CCDC60: variants seen among roughly 807,000 people sequenced by gnomAD.
CCDC60 encodes the protein coiled-coil domain containing 60.
A neutral mutation model predicts 63.5 loss-of-function variants in CCDC60; 54 were observed. That is an observed-to-expected ratio of 0.85 (90% CI 0.68 to 1.07). CCDC60 has a LOEUF of 1.07. CCDC60 is among the 50% of genes least tolerant of loss of function. CCDC60 has a pLI of 0.00. For missense variants in CCDC60, 651 were observed against 684.3 expected (o/e 0.95, Z 0.54); for synonymous variants, 206 against 238.8 (o/e 0.86, Z 1.27).
At chr12:119,517,152 T>A (rs531468785) in intron 8 of CCDC60, among the ~76,000 whole-genome samples, 91 of 151,828 alleles carry the variant, frequency 6.0e-4, no homozygotes, top group Non-Finnish European at 1.3e-4. Context: ...CACATCTGGC[T>A]AATTTTTTTT....
intron 4 of CCDC60, among the ~76,000 whole-genome samples, chr12:119,488,461 T>G (rs1951508860): frequency 6.6e-6 from 1 of 152,188 alleles, no homozygotes; most frequent in African/African-American, 2.4e-5. Flanking sequence ...TCTCAGTAAC[T>G]GGCATTGGAT....
Position 119,420,111 on chromosome 12 carries a change from C to T in CCDC60, c.91-8572C>T, listed in dbSNP as rs867585546. Among the ~76,000 whole-genome samples the T allele has an allele frequency of 7.2e-5, 11 of 152,048 alleles. No homozygotes were observed. Among genetic ancestry groups the T allele is most frequent in the Middle Eastern group, 3.4e-3 (1 of 294 alleles). The stretch of plus-strand genomic sequence containing the variant: ...CGGGATGGTCTCGAACTCCTGACCT[C>T]GTGATCCACCCGCCTCGGCCTCCCA... On this transcript the variant is annotated intron_variant, in intron 1 of 13. Transcript: ENST00000327554. The surrounding 1 kb of genome is among the most constrained non-coding windows in gnomAD (Gnocchi z 4.1).
chr12:119,386,994 ACTCTCT>A (rs141844953), intron 1 of CCDC60, among the ~76,000 whole-genome samples: 1 of 75,926 alleles, frequency 1.3e-5, no homozygotes, highest in Admixed American at 1.4e-4. Flanking sequence ...TTCCCCCTCA[ACTCTCT>A]CTCTCTCTCT....
chr12:119,341,572 C>G (rs772299400), intron 1 of CCDC60, among the ~76,000 whole-genome samples: 8 of 152,174 alleles, frequency 5.3e-5, no homozygotes, highest in Non-Finnish European at 8.8e-5. Context: ...ATGTGAAATA[C>G]TGAGCACGAT....
intron 1 of CCDC60, among the ~76,000 whole-genome samples, chr12:119,395,233 T>A (rs1956230908): frequency 6.6e-6 from 1 of 152,210 alleles, no homozygotes. Flanking sequence ...TGGAAGCCAC[T>A]GAAGGGTCTT....
At chr12:119,496,741 C>A (rs1211947763) in intron 5 of CCDC60, among the ~76,000 whole-genome samples, 2 of 152,114 alleles carry the variant, frequency 1.3e-5, no homozygotes, top group East Asian at 1.9e-4. Flanking sequence ...TTACTTACAC[C>A]AAGTCACACA....
intron 1 of CCDC60, among the ~76,000 whole-genome samples, chr12:119,341,853 C>G (rs1443841067): frequency 1.3e-5 from 2 of 152,162 alleles, no homozygotes; most frequent in African/African-American, 4.8e-5. Flanking sequence ...ATGAGAGATG[C>G]AATGTGTTAG....
At chr12:119,526,322 CTAGG>C (rs1952675604) in intron 11 of CCDC60, among the ~76,000 whole-genome samples, 1 of 152,144 alleles carries the variant, frequency 6.6e-6, no homozygotes, top group Admixed American at 6.5e-5. Context: ...GGAAGACAAC[CTAGG>C]CAATACCATC....
At chr12:119,422,364 A>G (rs1482823030) in intron 1 of CCDC60, among the ~76,000 whole-genome samples, 1 of 152,228 alleles carries the variant, frequency 6.6e-6, no homozygotes, top group African/African-American at 2.4e-5. Flanking sequence ...CACTGCTCCA[A>G]AGAAATACCT....
Position 119,395,558 on chromosome 12 carries a change from C to A in CCDC60, c.91-33125C>A, listed in dbSNP as rs115479292. On this transcript the variant is annotated intron_variant, in intron 1 of 13. Coordinates refer to ENST00000327554, the MANE Select transcript of CCDC60 (RefSeq NM_178499.5). Reference sequence around the variant, plus strand: ...GGGAAATCCACCCTCATGAACCAATCACCTCCCACTAGGACCCAACAACAT... The same window carrying A: ...GGGAAATCCACCCTCATGAACCAATAACCTCCCACTAGGACCCAACAACAT... Among the ~76,000 whole-genome samples the A allele has an allele frequency of 3.7e-3, 562 of 152,330 alleles. 3 individuals carry two copies. The highest frequency in any genetic ancestry group is 0.013 in the African/African-American group (548 of 41,574).
intron 1 of CCDC60, among the ~76,000 whole-genome samples, chr12:119,386,969 C>A (rs554134840): frequency 6.6e-6 from 1 of 150,956 alleles, no homozygotes. Context: ...CAGAGTACTC[C>A]ATCCTCCTCC....
At chr12:119,346,808 C>CTT (rs1278033313) in intron 1 of CCDC60, among the ~76,000 whole-genome samples, 6 of 130,200 alleles carry the variant, frequency 4.6e-5, no homozygotes, top group Non-Finnish European at 3.5e-5. Context: ...TTCTTTCTTT[C>CTT]TTTCTTTCTT....
intron 1 of CCDC60, among the ~76,000 whole-genome samples, chr12:119,392,162 C>T (rs1031268726): frequency 6.6e-6 from 1 of 152,140 alleles, no homozygotes; most frequent in African/African-American, 2.4e-5. Context: ...GTGAAACCTC[C>T]CAGTGTAGTG....
At chr12:119,509,644 AATGATGATG>A (rs60115763) in intron 7 of CCDC60, among the ~76,000 whole-genome samples, 11 of 150,936 alleles carry the variant, frequency 7.3e-5, no homozygotes, top group South Asian at 2.1e-4. Context: ...TTTTCTTTAG[AATGATGATG>A]ATGATGATGA....
chr12:119,350,840 T>C (rs1486329400), intron 1 of CCDC60, among the ~76,000 whole-genome samples: 2 of 152,204 alleles, frequency 1.3e-5, no homozygotes, highest in Non-Finnish European at 2.9e-5. Context: ...GGAGTCATTA[T>C]GGGCAGGATC....
intron 2 of CCDC60, among the ~76,000 whole-genome samples, chr12:119,430,212 A>G (rs1201929991): frequency 2.0e-5 from 3 of 152,046 alleles, no homozygotes; most frequent in Non-Finnish European, 2.9e-5. Flanking sequence ...ATACACACAC[A>G]CACACATATT....
chr12:119,483,584 C>T (rs747861792), intron 4 of CCDC60, among the ~76,000 whole-genome samples: 2 of 152,096 alleles, frequency 1.3e-5, no homozygotes, highest in Non-Finnish European at 2.9e-5. Flanking sequence ...GCAATCAGCA[C>T]GGGGTGCTTG....
At chr12:119,531,338 A>G (rs147177566) in intron 13 of CCDC60, among the ~76,000 whole-genome samples, 5 of 152,298 alleles carry the variant, frequency 3.3e-5, no homozygotes, top group Middle Eastern at 3.4e-3. Flanking sequence ...CTTGCTACTA[A>G]AAGTGTACTC....
At chr12:119,396,545 G>A (rs756281552) in intron 1 of CCDC60, among the ~76,000 whole-genome samples, 2 of 151,994 alleles carry the variant, frequency 1.3e-5, no homozygotes, top group Non-Finnish European at 2.9e-5. Context: ...AGAAAGAAGG[G>A]GGTCATAATG....
Sources: allele counts gnomAD v4.1 joint callset (sites outside exome capture counted in the v4.1 genomes callset), GRCh38; gene constraint gnomAD v4.1.1; non-coding constraint Gnocchi (gnomAD v3.1); transcripts MANE v1.5; gene names NCBI Gene and HGNC (gene_info 2026-07-23, HGNC 2026-07-21).